The following OPCML variants were observed in gnomAD, a reference collection of about 807,000 sequenced individuals.
OPCML encodes opioid binding protein/cell adhesion molecule like, also known as opioid-binding protein/cell adhesion molecule.
OPCML carries 13 observed loss-of-function variants against 37.8 expected under a neutral mutation model. The observed-to-expected ratio is 0.34, with a 90% confidence interval of 0.22 to 0.55. The LOEUF (loss-of-function observed/expected upper bound fraction) is 0.55, where lower values mean the gene tolerates loss of function less well. OPCML is among the 20% of genes least tolerant of loss of function. The pLI, the probability that OPCML is intolerant of heterozygous loss-of-function variation, is 0.91. For synonymous variants in OPCML, 176 were observed against 168.8 expected (o/e 1.04, Z -0.33); for missense variants, 341 against 435.6 (o/e 0.78, Z 1.93).
intron 1 of OPCML, among the ~76,000 whole-genome samples, chr11:133,498,433 G>A (rs1367085230): frequency 6.6e-6 from 1 of 152,218 alleles, no homozygotes; most frequent in Non-Finnish European, 1.5e-5. Context: ...ACCCAGAAGA[G>A]TCAGAGAAAA....
At chr11:132,788,325 C>T (rs2136171384) in intron 2 of OPCML, among the ~76,000 whole-genome samples, 1 of 152,310 alleles carries the variant, frequency 6.6e-6, no homozygotes, top group South Asian at 2.1e-4. Flanking sequence ...TTATCCTTGA[C>T]ACCTCCCTTA....
At chr11:133,230,526 C>T (rs1722669685) in intron 1 of OPCML, among the ~76,000 whole-genome samples, 1 of 152,216 alleles carries the variant, frequency 6.6e-6, no homozygotes, top group African/African-American at 2.4e-5. Flanking sequence ...GAGGTTTTCT[C>T]TCTAGTCCCC....
chr11:132,702,643 C>G (rs1464347099), intron 2 of OPCML, among the ~76,000 whole-genome samples: 1 of 152,130 alleles, frequency 6.6e-6, no homozygotes, highest in Non-Finnish European at 1.5e-5. Context: ...TTCCCTTAAG[C>G]AAGTTTATTT....
intron 1 of OPCML, among the ~76,000 whole-genome samples, chr11:133,330,938 G>C (rs567228346): frequency 2.0e-5 from 3 of 152,182 alleles, no homozygotes; most frequent in African/African-American, 7.2e-5. Flanking sequence ...GTTCAAAGAA[G>C]TTAATAAAAT....
At chr11:133,282,198 G>A (rs557524098) in intron 1 of OPCML, among the ~76,000 whole-genome samples, 5 of 152,228 alleles carry the variant, frequency 3.3e-5, no homozygotes, top group Middle Eastern at 3.4e-3. Flanking sequence ...TCTTTGGAAC[G>A]GCCCTTCCCA....
intron 3 of OPCML, among the ~76,000 whole-genome samples, chr11:132,634,953 G>A (rs1371863801): frequency 6.6e-6 from 1 of 151,840 alleles, no homozygotes; most frequent in African/African-American, 2.4e-5. Context: ...CTCTTACTAT[G>A]TTGTAAGACC....
chr11:132,886,375 T>C (rs150997967), intron 2 of OPCML, among the ~76,000 whole-genome samples: 1 of 152,206 alleles, frequency 6.6e-6, no homozygotes, highest in African/African-American at 2.4e-5. Flanking sequence ...TGTTCTATGA[T>C]GCCTGGGGCC....
chr11:133,094,889 A>G (rs952800791), intron 1 of OPCML, among the ~76,000 whole-genome samples: 27 of 152,142 alleles, frequency 1.8e-4, no homozygotes, highest in Non-Finnish European at 2.4e-4. Context: ...ACTGGGATAT[A>G]ATATTAAAAT....
chr11:133,154,104 A>G (rs923469541), intron 1 of OPCML, among the ~76,000 whole-genome samples: 6 of 152,106 alleles, frequency 3.9e-5, no homozygotes, highest in African/African-American at 1.4e-4. Context: ...ATCTCTGACC[A>G]GAGGACCCAC....
intron 3 of OPCML, among the ~76,000 whole-genome samples, chr11:132,537,026 A>T (rs1184041042): frequency 6.6e-6 from 1 of 152,034 alleles, no homozygotes; most frequent in African/African-American, 2.4e-5. Flanking sequence ...CTGGTCTAAA[A>T]CCCTGGGAGC....
At chr11:133,517,382 T>C (rs1948302688) in intron 1 of OPCML, among the ~76,000 whole-genome samples, 1 of 152,216 alleles carries the variant, frequency 6.6e-6, no homozygotes, top group African/African-American at 2.4e-5. Context: ...CAGGAGCTCA[T>C]AAACAAGAAT....
chr11:132,952,781 C>A (rs12287207), intron 1 of OPCML, among the ~76,000 whole-genome samples: 3 of 152,054 alleles, frequency 2.0e-5, no homozygotes, highest in Non-Finnish European at 4.4e-5. Flanking sequence ...GCTGTGAGCG[C>A]GGTGATGCAT....
intron 3 of OPCML, among the ~76,000 whole-genome samples, chr11:132,624,088 A>G (rs1053856917): frequency 3.9e-5 from 6 of 152,230 alleles, no homozygotes; most frequent in Admixed American, 6.5e-5. Flanking sequence ...TAAGGACTCA[A>G]TAAATATTTG....
At position 132,431,000 on chromosome 11, in the gene OPCML, G is replaced by T. The variant is rs192027214; in HGVS notation, c.916+5086C>A. Among the ~76,000 whole-genome samples the T allele has an allele frequency of 1.2e-3, 186 of 152,312 alleles. 1 individual carries two copies. The highest frequency in any genetic ancestry group is 4.1e-3 in the African/African-American group (171 of 41,586). ...GTGAGTCACCTCCACAAGGGACAGAGCTGTGGTCAGCAAGCTGAAACCCAG... is the reference window on the plus strand; with the variant it reads ...GTGAGTCACCTCCACAAGGGACAGATCTGTGGTCAGCAAGCTGAAACCCAG... On this transcript the variant is annotated intron_variant, in intron 7 of 7. Coordinates refer to ENST00000524381, the MANE Select transcript of OPCML (RefSeq NM_001012393.5).
rs1312538790 is a variant in OPCML, at chr11:133,061,897, T to C, written c.62-118887A>G. On this transcript the variant is annotated intron_variant, in intron 1 of 7. Coordinates refer to ENST00000524381, the MANE Select transcript of OPCML (RefSeq NM_001012393.5). ...CATAAATGGGACACTAAACAGAAAT[T>C]GAGGTGGGGGTGGGGGCTGAAAAGT... 4.0e-5 allele frequency among the ~76,000 whole-genome samples: 5 copies of C among 124,430 alleles called. 1 individual carries two copies. Among genetic ancestry groups the C allele is most frequent in the Non-Finnish European group, 8.1e-5 (5 of 61,396 alleles). The allele number at this position is 124,430 out of a possible 152,430, so 81.6% of individuals were successfully genotyped here.
intron 1 of OPCML, among the ~76,000 whole-genome samples, chr11:133,011,598 C>CTTT (rs200276828): frequency 4.7e-5 from 7 of 147,684 alleles, no homozygotes; most frequent in Non-Finnish European, 9.0e-5. Flanking sequence ...AGTGGTTTCT[C>CTTT]TTTTTTTTTT....
chr11:132,822,081 A>G (rs939749831), intron 2 of OPCML, among the ~76,000 whole-genome samples: 7 of 152,190 alleles, frequency 4.6e-5, no homozygotes, highest in Admixed American at 2.6e-4. Context: ...CTTACTTTCT[A>G]TCCTCAGACC....
At chr11:132,426,314 G>T (rs1468383557) in intron 7 of OPCML, among the ~76,000 whole-genome samples, 2 of 152,308 alleles carry the variant, frequency 1.3e-5, no homozygotes, top group African/African-American at 4.8e-5. Context: ...AGCTACAAGG[G>T]AAGCTCAGCA....
chr11:133,318,821 G>A (rs1489198131), intron 1 of OPCML, among the ~76,000 whole-genome samples: 8 of 152,122 alleles, frequency 5.3e-5, no homozygotes, highest in Admixed American at 1.3e-4. Context: ...CAGATTACTT[G>A]AGGTCAGGAG....
Sources: gnomAD v4.1 joint callset for allele counts (sites outside exome capture counted in the v4.1 genomes callset) on GRCh38, gnomAD v4.1.1 for gene constraint, MANE v1.5 for transcripts, NCBI Gene and HGNC (gene_info 2026-07-23, HGNC 2026-07-21) for gene names.